DMD: variants seen among roughly 807,000 people sequenced by gnomAD.
The protein encoded by DMD is dystrophin, also known as mutant dystrophin.
Under a neutral mutation model 330.1 loss-of-function variants are expected in DMD, and 63 were observed. That is an observed-to-expected ratio of 0.19 (90% CI 0.16 to 0.24). DMD has a LOEUF of 0.24. DMD is among the 10% of genes least tolerant of loss of function. DMD has a pLI of 1.00. For synonymous variants in DMD, 1,223 were observed against 959.8 expected (o/e 1.27, Z -5.07); for missense variants, 3,344 against 2,684.1 (o/e 1.25, Z -5.43).
intron 56 of DMD, 66 bp from the exon 57 acceptor site, chrX:31,497,010 C>T (rs914374614): frequency 3.6e-6 from 4 of 1,123,238 alleles, no homozygotes; most frequent in South Asian, 1.9e-5. Flanking sequence ...TCTAACAATT[C>T]CATTGAAAAA....
intron 48 of DMD, among the ~76,000 whole-genome samples, chrX:31,852,592 A>G (rs993084775): frequency 9.0e-6 from 1 of 111,352 alleles, no homozygotes; most frequent in Non-Finnish European, 1.9e-5. Flanking sequence ...AAATTTTTCT[A>G]TTTGGCCTTT....
rs113422274 is a variant in DMD, at chrX:33,218,540, A to T, written c.7+120719T>A. On this transcript the variant is annotated intron_variant, in intron 1 of 17. Coordinates refer to the DMD transcript ENST00000288447. Reference sequence around the variant, plus strand: ...TTTCACTGTTTTTAAGACTTTTTTTAAAAAAAAAATATAACTAGTTTTCAG... The same window carrying T: ...TTTCACTGTTTTTAAGACTTTTTTTTAAAAAAAAATATAACTAGTTTTCAG... 5.8e-3 allele frequency among the ~76,000 whole-genome samples: 589 copies of T among 102,196 alleles called. 15 individuals are homozygous for T. In the East Asian group the frequency reaches 0.062, roughly 11 times the overall value. The allele number at this position is 102,196 out of a possible 115,157, so 88.7% of individuals were successfully genotyped here. A position where few individuals can be genotyped will look rare whatever the true frequency, so the allele number is the denominator to read the frequency against.
At chrX:32,411,354 C>A (rs1013276468) in intron 30 of DMD, among the ~76,000 whole-genome samples, 13 of 110,941 alleles carry the variant, frequency 1.2e-4, no homozygotes, top group Non-Finnish European at 2.3e-4. Flanking sequence ...TGGTCTTGAA[C>A]TCCTGACATT....
rs766865211 is a variant in DMD at position 32,871,363 on chromosome X, C to G, written c.94-21543G>C. Among the ~76,000 whole-genome samples the G allele has an allele frequency of 3.2e-3, 360 of 111,163 alleles. 4 individuals carry two copies. Among genetic ancestry groups the G allele is most frequent in the Admixed American group, 5.0e-3 (52 of 10,429 alleles). ...AACAGGCTTAAGGCTTGTCTCCTTCCCCCGCCCTCCCCATACTTAAGATCA... is the reference window on the plus strand; with the variant it reads ...AACAGGCTTAAGGCTTGTCTCCTTCGCCCGCCCTCCCCATACTTAAGATCA... On this transcript the variant is annotated intron_variant, in intron 2 of 78. Coordinates refer to ENST00000357033, the MANE Select transcript of DMD (RefSeq NM_004006.3).
At chrX:31,343,741 C>G (rs1489418156) in intron 61 of DMD, among the ~76,000 whole-genome samples, 1 of 109,150 alleles carries the variant, frequency 9.2e-6, no homozygotes, top group African/African-American at 3.3e-5. Context: ...CCTTATTTTT[C>G]TTTTCTTTGT....
intron 2 of DMD, among the ~76,000 whole-genome samples, chrX:32,882,576 T>C (rs1051264306): frequency 1.8e-5 from 2 of 112,255 alleles, no homozygotes; most frequent in Non-Finnish European, 3.8e-5. Flanking sequence ...TTTTATAAAA[T>C]AATGACTAAA....
chrX:33,051,359 C>CCAGCTACTTAGG (rs1226658158), intron 1 of DMD, among the ~76,000 whole-genome samples: 1 of 107,700 alleles, frequency 9.3e-6, no homozygotes, highest in African/African-American at 3.4e-5. Flanking sequence ...TTAGAGGCAC[C>CCAGCTACTTAGG]CACCACCACG....
chrX:31,599,772 G>C (rs1359350171), intron 55 of DMD, among the ~76,000 whole-genome samples: 3 of 111,656 alleles, frequency 2.7e-5, no homozygotes, highest in Non-Finnish European at 3.8e-5. Flanking sequence ...AGTGATCTCT[G>C]TTTAATGCCA....
chrX:32,453,512 G>T (rs2148338523), intron 26 of DMD, among the ~76,000 whole-genome samples: 1 of 110,659 alleles, frequency 9.0e-6, no homozygotes, highest in East Asian at 2.8e-4. Flanking sequence ...GTTACTTTCT[G>T]CTATTAACTA....
At chrX:31,507,890 C>T (rs2071110836) in intron 55 of DMD, among the ~76,000 whole-genome samples, 1 of 111,762 alleles carries the variant, frequency 8.9e-6, no homozygotes, top group African/African-American at 3.3e-5. Flanking sequence ...GTAGAGTTAA[C>T]TCTGACCATA....
At chrX:32,378,046 T>C (rs1391399640) in intron 34 of DMD, among the ~76,000 whole-genome samples, 1 of 110,914 alleles carries the variant, frequency 9.0e-6, no homozygotes, top group African/African-American at 3.3e-5. Flanking sequence ...CAGCGTGTTA[T>C]CACCTTTATG....
chrX:32,567,822 A>AG, intron 15 of DMD, among the ~76,000 whole-genome samples: 1 of 112,313 alleles, frequency 8.9e-6, no homozygotes, highest in Non-Finnish European at 1.9e-5. Flanking sequence ...TGAGAGCCAT[A>AG]TTTGAATTTC....
chrX:32,521,872 G>A (rs2046459889), intron 17 of DMD, among the ~76,000 whole-genome samples: 1 of 111,721 alleles, frequency 9.0e-6, no homozygotes, highest in South Asian at 3.7e-4. Flanking sequence ...GCATTTGGGA[G>A]GTAATTAGGT....
chrX:31,932,017 A>T, intron 46 of DMD, 63 bp downstream of exon 46: 1 of 1,149,633 alleles, frequency 8.7e-7, no homozygotes, highest in East Asian at 3.0e-5. Context: ...ATTGAATTAA[A>T]AAATAGATTC....
chrX:31,201,137 G>T (rs2043389846), intron 67 of DMD, among the ~76,000 whole-genome samples: 1 of 102,808 alleles, frequency 9.7e-6, no homozygotes, highest in Non-Finnish European at 2.0e-5. Flanking sequence ...ACCAGCCTAG[G>T]CAACATGGCG....
chrX:32,701,641 C>A (rs1246398039), intron 7 of DMD, among the ~76,000 whole-genome samples: 2 of 111,242 alleles, frequency 1.8e-5, no homozygotes, highest in Non-Finnish European at 3.8e-5. Flanking sequence ...TAACTTAGAG[C>A]TCTTTCATTT....
At chrX:31,770,740 G>C (rs1056256671) in intron 51 of DMD, among the ~76,000 whole-genome samples, 1 of 111,434 alleles carries the variant, frequency 9.0e-6, no homozygotes, top group South Asian at 3.8e-4. Context: ...TTTCTTCCTC[G>C]ATCTCAGGCA....
At chrX:33,013,511 A>G (rs767450636) in intron 2 of DMD, among the ~76,000 whole-genome samples, 1 of 111,696 alleles carries the variant, frequency 9.0e-6, no homozygotes, top group Non-Finnish European at 1.9e-5. Context: ...AATTCTTCCT[A>G]TTATCAGATA....
intron 7 of DMD, among the ~76,000 whole-genome samples, chrX:32,708,067 A>C (rs1166996678): frequency 8.9e-6 from 1 of 111,962 alleles, no homozygotes. Flanking sequence ...AAAATAGTCT[A>C]TTTGTGAACC....
Sources: allele counts gnomAD v4.1 joint callset (sites outside exome capture counted in the v4.1 genomes callset), GRCh38; gene constraint gnomAD v4.1.1; transcripts MANE v1.5; gene names NCBI Gene and HGNC (gene_info 2026-07-23, HGNC 2026-07-21).